MED27: variants seen among roughly 807,000 people sequenced by gnomAD.
The protein encoded by MED27 is mediator of RNA polymerase II transcription subunit 27.
MED27 carries 30 observed loss-of-function variants against 38.2 expected under a neutral mutation model. The observed-to-expected ratio is 0.79, with a 90% confidence interval of 0.59 to 1.07. The LOEUF (loss-of-function observed/expected upper bound fraction) is 1.07. Ranked by LOEUF, MED27 falls within the 50% of genes least tolerant of loss-of-function variation. The pLI is 0.00. For synonymous variants in MED27, 122 were observed against 153.5 expected (o/e 0.79, Z 1.52); for missense variants, 289 against 397.5 (o/e 0.73, Z 2.32).
At chr9:132,018,430 GA>G (rs1162719487) in intron 2 of MED27, among the ~76,000 whole-genome samples, 1 of 152,196 alleles carries the variant, frequency 6.6e-6, no homozygotes, top group Non-Finnish European at 1.5e-5. Flanking sequence ...TTGAGTTCAA[GA>G]AATCAGATGA....
chr9:131,875,396 C>T (rs1838913292), intron 6 of MED27, among the ~76,000 whole-genome samples: 1 of 152,172 alleles, frequency 6.6e-6, no homozygotes, highest in South Asian at 2.1e-4. Context: ...TTACACACGA[C>T]AGCTGGGCAC....
chr9:131,883,606 G>T lies in MED27; in HGVS notation c.723+452C>A, dbSNP rs533599175. On this transcript the variant is annotated intron_variant, in intron 6 of 7. Coordinates refer to ENST00000292035, the MANE Select transcript of MED27 (RefSeq NM_004269.4). The surrounding 1 kb of genome is among the most constrained non-coding windows in gnomAD (Gnocchi z 4.2). The stretch of plus-strand genomic sequence containing the variant: ...CATCCCTTGGGCACCAGTGGAGACC[G>T]CTAGGGCTCTGAGAAACCGAGTTTT... Among the ~76,000 whole-genome samples the T allele has an allele frequency of 4.1e-4, 62 of 152,292 alleles. No homozygotes were observed. The highest frequency in any genetic ancestry group is 1.2e-3 in the Admixed American group (19 of 15,300).
At chr9:132,079,583 T>C (rs1834128257) in intron 1 of MED27, 59 bp downstream of exon 1, 4 of 1,531,054 alleles carry the variant, frequency 2.6e-6, no homozygotes, top group African/African-American at 1.4e-5. Flanking sequence ...TCGAGCGACG[T>C]AGGGGCAGGG....
At chr9:131,932,073 C>CAAGGAT (rs547053521) in intron 4 of MED27, among the ~76,000 whole-genome samples, 5 of 152,034 alleles carry the variant, frequency 3.3e-5, no homozygotes, top group Non-Finnish European at 5.9e-5. Flanking sequence ...AGATCACTCT[C>CAAGGAT]AAGGATAAGA....
intron 3 of MED27, among the ~76,000 whole-genome samples, chr9:131,980,115 A>G (rs986696630): frequency 8.0e-5 from 12 of 149,496 alleles, no homozygotes; most frequent in Admixed American, 1.4e-4. Context: ...GTGTGTGTAT[A>G]TATGTGTGTA....
chr9:132,040,132 A>C (rs1161231743), intron 2 of MED27, among the ~76,000 whole-genome samples: 1 of 152,248 alleles, frequency 6.6e-6, no homozygotes, highest in Non-Finnish European at 1.5e-5. Flanking sequence ...TGTCAGCTAC[A>C]AATTGATGAC....
At chr9:131,981,374 C>T (rs573618957) in intron 3 of MED27, among the ~76,000 whole-genome samples, 1 of 152,150 alleles carries the variant, frequency 6.6e-6, no homozygotes, top group African/African-American at 2.4e-5. Context: ...GGAATCTGGG[C>T]CCATGTGCTC....
chr9:132,074,719 A>G (rs1834009256), intron 2 of MED27, among the ~76,000 whole-genome samples: 1 of 152,266 alleles, frequency 6.6e-6, no homozygotes, highest in Non-Finnish European at 1.5e-5. Context: ...AGAAATGTAT[A>G]TAGACATCCT....
At chr9:131,904,330 C>T (rs995277670) in intron 4 of MED27, among the ~76,000 whole-genome samples, 7 of 152,168 alleles carry the variant, frequency 4.6e-5, no homozygotes, top group South Asian at 2.1e-4. Context: ...TGAGCCACTG[C>T]GGCCAGTCTG....
intron 4 of MED27, among the ~76,000 whole-genome samples, chr9:131,905,717 A>AC (rs1036698395): frequency 1.8e-5 from 2 of 109,530 alleles, no homozygotes; most frequent in African/African-American, 6.4e-5. Flanking sequence ...AAAAAAAAAA[A>AC]AAAAAAAAAA....
chr9:132,036,599 C>T (rs1034373018), intron 2 of MED27, among the ~76,000 whole-genome samples: 3 of 152,248 alleles, frequency 2.0e-5, no homozygotes, highest in Non-Finnish European at 4.4e-5. Context: ...GGCTCTACCA[C>T]TTACCACCTG....
chr9:131,930,777 G>C (rs1393112755), intron 4 of MED27, among the ~76,000 whole-genome samples: 7 of 152,046 alleles, frequency 4.6e-5, no homozygotes. Flanking sequence ...ACTAAACAAT[G>C]ATCCAATCAA....
chr9:132,006,676 G>C (rs1038875615), intron 3 of MED27, among the ~76,000 whole-genome samples: 19 of 151,772 alleles, frequency 1.3e-4, no homozygotes, highest in Non-Finnish European at 2.5e-4. Flanking sequence ...CCTTAAAAAA[G>C]GTCTCAAAAT....
chr9:131,865,169 A>C (rs1838715791), intron 6 of MED27, among the ~76,000 whole-genome samples: 1 of 152,248 alleles, frequency 6.6e-6, no homozygotes, highest in Non-Finnish European at 1.5e-5. Flanking sequence ...AACACTGTTG[A>C]GAAATTCTTA....
rs1838677778 is a variant in MED27 at position 131,863,055 on chromosome 9, C to T, written c.801+8G>A. 8 of 1,613,574 alleles carry T rather than the reference C, an allele frequency of 5.0e-6. No homozygotes were observed. The highest frequency in any genetic ancestry group is 6.8e-6 in the Non-Finnish European group (8 of 1,179,662). ...TAAACAGGAGACCTGACTCTTGAAG[C>T]CACTTACCATGAAGGATCGGACCAC... On this transcript the variant is annotated splice_region_variant and intron_variant, in intron 7 of 7. Coordinates refer to ENST00000292035, the MANE Select transcript of MED27 (RefSeq NM_004269.4).
Position 131,913,763 on chromosome 9 carries a change from C to T in MED27, c.574-19771G>A, listed in dbSNP as rs1474730337. Reference sequence around the variant, plus strand: ...GAACCAGATACCCGAGCCTGCCTCCCGCTTTACCCCATCAATTCTGGGGCG... The same window carrying T: ...GAACCAGATACCCGAGCCTGCCTCCTGCTTTACCCCATCAATTCTGGGGCG... On this transcript the variant is annotated intron_variant, in intron 4 of 7. Transcript: ENST00000292035. The surrounding 1 kb of genome is among the most constrained non-coding windows in gnomAD (Gnocchi z 4.5). Among the ~76,000 whole-genome samples the T allele has an allele frequency of 5.3e-5, 8 of 152,178 alleles. No homozygotes were observed. Among genetic ancestry groups the T allele is most frequent in the African/African-American group, 1.4e-4 (6 of 41,428 alleles).
At chr9:131,867,073 G>T (rs1255295581) in intron 6 of MED27, among the ~76,000 whole-genome samples, 4 of 152,174 alleles carry the variant, frequency 2.6e-5, no homozygotes, top group Non-Finnish European at 4.4e-5. Flanking sequence ...TCTGAACTTG[G>T]TATTTTTTGC....
chr9:131,869,719 G>A (rs979377500), intron 6 of MED27, among the ~76,000 whole-genome samples: 3 of 152,206 alleles, frequency 2.0e-5, no homozygotes, highest in African/African-American at 7.2e-5. Context: ...GGGGAGACAG[G>A]CCTCACAAAG....
chr9:131,952,828 AG>A (rs1265721018), intron 3 of MED27, among the ~76,000 whole-genome samples: 1 of 152,236 alleles, frequency 6.6e-6, no homozygotes, highest in East Asian at 1.9e-4. Flanking sequence ...GCACTAGCCC[AG>A]GTACTGCCCT....
Sources: allele counts gnomAD v4.1 joint callset (sites outside exome capture counted in the v4.1 genomes callset), GRCh38; gene constraint gnomAD v4.1.1; non-coding constraint Gnocchi (gnomAD v3.1); transcripts MANE v1.5; gene names NCBI Gene and HGNC (gene_info 2026-07-23, HGNC 2026-07-21).